Variants in PIK3C2G observed in about 807,000 individuals in gnomAD.
The protein encoded by PIK3C2G is phosphatidylinositol-4-phosphate 3-kinase catalytic subunit type 2 gamma.
Under a neutral mutation model 181.1 loss-of-function variants are expected in PIK3C2G, and 168 were observed. That is an observed-to-expected ratio of 0.93 (90% CI 0.82 to 1.05). PIK3C2G has a LOEUF of 1.05. Ranked by LOEUF, PIK3C2G falls within the 50% of genes least tolerant of loss-of-function variation. The pLI is 0.00. For missense variants in PIK3C2G, 1,869 were observed against 1,732.8 expected (o/e 1.08, Z -1.40); for synonymous variants, 573 against 592.2 (o/e 0.97, Z 0.47).
intron 12 of PIK3C2G, among the ~76,000 whole-genome samples, chr12:18,365,110 T>C (rs2137823411): frequency 6.6e-6 from 1 of 152,320 alleles, no homozygotes; most frequent in African/African-American, 2.4e-5. Flanking sequence ...ACTGATTAAC[T>C]TGGCCCAGTT....
intron 31 of PIK3C2G, among the ~76,000 whole-genome samples, chr12:18,630,922 C>G (rs1412517508): frequency 1.3e-5 from 2 of 152,000 alleles, no homozygotes; most frequent in African/African-American, 2.4e-5. Context: ...TTCTGTATCT[C>G]TAACCCTAAT....
intron 31 of PIK3C2G, among the ~76,000 whole-genome samples, chr12:18,628,282 A>G (rs1418835235): frequency 1.3e-5 from 2 of 152,190 alleles, no homozygotes; most frequent in African/African-American, 2.4e-5. Context: ...CCATATACAC[A>G]TATGAAAATA....
chr12:18,362,977 A>G, intron 12 of PIK3C2G, 91 bp downstream of exon 12: 1 of 961,872 alleles, frequency 1.0e-6, no homozygotes, highest in Non-Finnish European at 1.5e-6. Flanking sequence ...GTAATTTAAA[A>G]AAAATATGCT....
At chr12:18,335,782 C>T (rs1938473012) in intron 8 of PIK3C2G, among the ~76,000 whole-genome samples, 1 of 152,082 alleles carries the variant, frequency 6.6e-6, no homozygotes, top group Non-Finnish European at 1.5e-5. Context: ...CTAGCAATCT[C>T]AGTTATGCAT....
At chr12:18,625,713 G>A (rs56268105) in intron 31 of PIK3C2G, among the ~76,000 whole-genome samples, 14,073 of 151,760 alleles carry the variant, frequency 0.093, 848 homozygotes, top group Non-Finnish European at 0.14. Flanking sequence ...ACTGTTAGAA[G>A]CATATATATT....
the PIK3C2G span, among the ~76,000 whole-genome samples, chr12:18,653,712 T>A: frequency 6.6e-6 from 1 of 152,128 alleles, no homozygotes; most frequent in Non-Finnish European, 1.5e-5. Context: ...AGACTCTGAG[T>A]TTAATAATTA....
chr12:18,464,900 T>C (rs991833972), intron 18 of PIK3C2G, among the ~76,000 whole-genome samples: 1 of 151,998 alleles, frequency 6.6e-6, no homozygotes, highest in African/African-American at 2.4e-5. Flanking sequence ...ATTTCTATCA[T>C]TGTATTTTGT....
At chr12:18,661,220 C>T in the PIK3C2G span, among the ~76,000 whole-genome samples, 4 of 152,008 alleles carry the variant, frequency 2.6e-5, no homozygotes, top group African/African-American at 9.7e-5. Context: ...GAGAAAGAGG[C>T]AAAGGGATTA....
chr12:18,525,647 C>T (rs2136197056), intron 24 of PIK3C2G, among the ~76,000 whole-genome samples: 1 of 152,280 alleles, frequency 6.6e-6, no homozygotes. Flanking sequence ...AATGACATCA[C>T]ATTGATACCC....
intron 16 of PIK3C2G, among the ~76,000 whole-genome samples, chr12:18,404,660 T>C: frequency 6.6e-6 from 1 of 151,974 alleles, no homozygotes. Context: ...GTTCAGAAAA[T>C]AGTGAATCAT....
intron 28 of PIK3C2G, among the ~76,000 whole-genome samples, chr12:18,564,271 A>G (rs1319897474): frequency 6.6e-6 from 1 of 151,986 alleles, no homozygotes; most frequent in African/African-American, 2.4e-5. Flanking sequence ...TCAGTCTATA[A>G]AAAAGGTGTA....
chr12:18,250,049 A>T (rs536577847), intron 1 of PIK3C2G, among the ~76,000 whole-genome samples: 1 of 152,076 alleles, frequency 6.6e-6, no homozygotes, highest in Non-Finnish European at 1.5e-5. Context: ...AGCTCACTCA[A>T]TGTAACCAGA....
At chr12:18,487,830 G>A (rs2136048926) in intron 18 of PIK3C2G, among the ~76,000 whole-genome samples, 1 of 152,164 alleles carries the variant, frequency 6.6e-6, no homozygotes, top group Admixed American at 6.5e-5. Context: ...TAGCTTTATA[G>A]AATTACCTTA....
chr12:18,440,964 T>C (rs1946716681), intron 18 of PIK3C2G, among the ~76,000 whole-genome samples: 1 of 152,062 alleles, frequency 6.6e-6, no homozygotes, highest in African/African-American at 2.4e-5. Flanking sequence ...GAGAAGGTCA[T>C]AGGAGAATGA....
intron 24 of PIK3C2G, among the ~76,000 whole-genome samples, chr12:18,537,396 T>C (rs759228209): frequency 1.3e-5 from 2 of 152,026 alleles, no homozygotes; most frequent in Non-Finnish European, 2.9e-5. Flanking sequence ...TTTCCAATCC[T>C]CTCTCTGCTA....
At chr12:18,268,911 T>G (rs190231070) in intron 1 of PIK3C2G, among the ~76,000 whole-genome samples, 1 of 152,166 alleles carries the variant, frequency 6.6e-6, no homozygotes, top group Non-Finnish European at 1.5e-5. Context: ...CAGTCAAAAC[T>G]TAGATTTCTT....
In PIK3C2G at chr12:18,324,091, G is replaced by A. The variant is rs541809173; in HGVS notation, c.1209-944G>A. Among the ~76,000 whole-genome samples, 3 of 152,156 alleles carry A rather than the reference G, an allele frequency of 2.0e-5. No individual in the cohort carries two copies. The South Asian group carries it at 6.2e-4, about 32-fold the overall frequency. Reference sequence around the variant, plus strand: ...AAACATTAGCCGGGCGTGGTGGCGGGCGCCTGTAGTCCCAGCTACTCCGGA... The same window carrying A: ...AAACATTAGCCGGGCGTGGTGGCGGACGCCTGTAGTCCCAGCTACTCCGGA... On this transcript the variant is annotated intron_variant, in intron 7 of 32. Transcript: ENST00000538779.
intron 13 of PIK3C2G, among the ~76,000 whole-genome samples, chr12:18,373,030 G>C (rs759245806): frequency 1.3e-5 from 2 of 152,148 alleles, no homozygotes; most frequent in African/African-American, 2.4e-5. Flanking sequence ...AAAAAAACCT[G>C]TTTCTCTTGA....
At chr12:18,623,708 A>C (rs967240206) in intron 31 of PIK3C2G, among the ~76,000 whole-genome samples, 1 of 151,662 alleles carries the variant, frequency 6.6e-6, no homozygotes, top group African/African-American at 2.4e-5. Flanking sequence ...GTTTTCTTCA[A>C]ATTTTTTCCA....
Sources: allele counts gnomAD v4.1 joint callset (sites outside exome capture counted in the v4.1 genomes callset), GRCh38; gene constraint gnomAD v4.1.1; transcripts MANE v1.5; gene names NCBI Gene and HGNC (gene_info 2026-07-23, HGNC 2026-07-21).